Variants in PKD2L1 observed in about 807,000 individuals in gnomAD.
PKD2L1 encodes polycystin-2-like protein 1.
Under a neutral mutation model 93.0 loss-of-function variants are expected in PKD2L1, and 77 were observed. That is an observed-to-expected ratio of 0.83 (90% confidence interval 0.69 to 1.00). The LOEUF (loss-of-function observed/expected upper bound fraction) is 1.00. Ranked by LOEUF, PKD2L1 falls within the 50% of genes least tolerant of loss-of-function variation. The probability of loss-of-function intolerance (pLI) is 0.00; values close to 1 mark genes in which losing one functional copy is unlikely to be tolerated. For missense variants in PKD2L1, 977 were observed against 990.9 expected, an observed-to-expected ratio of 0.99 and a Z score of 0.19; for synonymous variants, 390 against 388.0, an observed-to-expected ratio of 1.01 and a Z score of -0.06.
At chr10:100,291,246 A>G in intron 12 of PKD2L1, 55 bp downstream of exon 12, 3 of 1,568,280 alleles carry the variant, frequency 1.9e-6, no homozygotes, top group Non-Finnish European at 2.6e-6. Flanking sequence ...TGTTGGGGGA[A>G]GGAGAGGGTG....
At chr10:100,305,025 G>C (rs778122690) in intron 2 of PKD2L1, among the ~76,000 whole-genome samples, 3 of 151,922 alleles carry the variant, frequency 2.0e-5, no homozygotes, top group African/African-American at 7.3e-5. Context: ...AGTGTTTGTT[G>C]GTTGAACCAA....
intron 2 of PKD2L1, among the ~76,000 whole-genome samples, chr10:100,323,209 T>C (rs901786330): frequency 1.3e-5 from 2 of 152,318 alleles, no homozygotes; most frequent in Non-Finnish European, 2.9e-5. Context: ...AACTAAAATT[T>C]TGAAAGGTAA....
At chr10:100,297,261 C>T (rs1564883053) in intron 5 of PKD2L1, 53 bp from the exon 6 acceptor site, 11 of 1,558,888 alleles carry the variant, frequency 7.1e-6, no homozygotes, top group Non-Finnish European at 9.7e-6. Flanking sequence ...GGGACGGCTC[C>T]TCCCACTTCC....
intron 2 of PKD2L1, among the ~76,000 whole-genome samples, chr10:100,310,206 CA>C (rs1474400439): frequency 6.6e-6 from 1 of 152,062 alleles, no homozygotes; most frequent in Admixed American, 6.6e-5. Flanking sequence ...TGGTGGCACA[CA>C]TCTGTAGCCC....
rs776998845 is a variant in PKD2L1 at position 100,329,394 on chromosome 10, G to A, written c.236-70C>T. 1.2e-5 allele frequency: 20 copies of A among 1,609,618 alleles called. No homozygotes were observed. The South Asian group carries it at 2.0e-4, about 16-fold the overall frequency. On this transcript the variant is annotated intron_variant, in intron 1 of 15. Coordinates refer to ENST00000318222, the MANE Select transcript of PKD2L1 (RefSeq NM_016112.3). ...TCCTCCCAGTCATCCCCACCCATCT[G>A]TCTCTGGACTTTAGCCCCTTTCCAC... is the stretch of plus-strand genomic sequence containing the variant.
At chr10:100,296,928 G>T in intron 6 of PKD2L1, 52 bp downstream of exon 6, 1 of 1,231,918 alleles carries the variant, frequency 8.1e-7, no homozygotes, top group South Asian at 1.2e-5. Context: ...TATTAGGGTG[G>T]AACTCCCTCC....
intron 14 of PKD2L1, among the ~76,000 whole-genome samples, chr10:100,289,330 A>G (rs1301774262): frequency 6.6e-6 from 1 of 152,182 alleles, no homozygotes; most frequent in Non-Finnish European, 1.5e-5. Context: ...ACCTGAGGTC[A>G]GGAGTTCGAG....
intron 2 of PKD2L1, among the ~76,000 whole-genome samples, chr10:100,323,555 C>T (rs945330503): frequency 2.0e-5 from 3 of 152,170 alleles, no homozygotes; most frequent in African/African-American, 2.4e-5. Flanking sequence ...AGGCATGAGC[C>T]ACGGCGCCCG....
intron 2 of PKD2L1, among the ~76,000 whole-genome samples, chr10:100,316,251 C>T (rs1849099189): frequency 6.6e-6 from 1 of 152,232 alleles, no homozygotes; most frequent in African/African-American, 2.4e-5. Context: ...CAGCTCATTG[C>T]AAACTCTGCC....
chr10:100,302,693 C>CA (rs35577057), intron 2 of PKD2L1, among the ~76,000 whole-genome samples: 69 of 135,532 alleles, frequency 5.1e-4, no homozygotes, highest in Middle Eastern at 4.1e-3. Context: ...CTCTGTCCCC[C>CA]AAAAAAAAAA....
rs1410542912 is a variant in PKD2L1, at chr10:100,288,253, T to C, written c.*143A>G. 7.6e-6 allele frequency: 5 copies of C among 654,848 alleles called. No individual in the cohort carries two copies. Among genetic ancestry groups the C allele is most frequent in the African/African-American group, 3.6e-5 (2 of 55,686 alleles). The allele number at this position is 654,848 out of a possible 1,614,324, so 40.6% of individuals were successfully genotyped here. ...TATTAATTCAAAGATCTCTGAATCC[T>C]GAGTTCATTTCCTTGCCTGATTCCC... On this transcript the variant is annotated 3_prime_UTR_variant, in exon 16 of 16. Transcript: ENST00000318222.
chr10:100,305,334 G>A (rs575814080), intron 2 of PKD2L1, among the ~76,000 whole-genome samples: 8 of 152,024 alleles, frequency 5.3e-5, no homozygotes, highest in African/African-American at 1.4e-4. Context: ...GGCTGGTCTC[G>A]AACTCCTGAC....
rs765174470 is a variant in PKD2L1 at position 100,297,138 on chromosome 10, G to A, written c.1027C>T (p.Arg343Cys). Residue 343 changes from arginine to cysteine, a missense_variant, in exon 6 of 16, where the codon CGC (arginine) becomes TGC (cysteine). Physicochemically the swap from Arg to Cys is radical, Grantham distance 180. Coordinates refer to ENST00000318222, the MANE Select transcript of PKD2L1 (RefSeq NM_016112.3). ...AAGAAGTCCCAGTTGCTGACATAGC[G>A]GATCAGCTTGACTGTGCGGATTTGC... Reference protein sequence around the residue: ...SWQIRTVKLIRYVSNWDFFIV... With the variant: ...SWQIRTVKLICYVSNWDFFIV... 40 of 1,614,130 alleles carry A rather than the reference G, an allele frequency of 2.5e-5. No individual in the cohort carries two copies. Among genetic ancestry groups the A allele is most frequent in the Non-Finnish European group, 2.6e-5 (31 of 1,180,010 alleles).
At chr10:100,289,546 T>A (rs71488054) in intron 14 of PKD2L1, among the ~76,000 whole-genome samples, 12,286 of 151,704 alleles carry the variant, frequency 0.081, 636 homozygotes, top group African/African-American at 0.14. Context: ...TCTCAAATAA[T>A]AATAATAATA....
Position 100,289,069 on chromosome 10 carries a change from G to T in PKD2L1, c.2251-13C>A, listed in dbSNP as rs1340271322. On this transcript the variant is annotated splice_polypyrimidine_tract_variant and intron_variant, in intron 14 of 15. Transcript: ENST00000318222. ...TAGCTTGTTCCTTCTGTTGGAAGAAGAAAGGGACAAATCATTTGAAGAAAT... is the reference window on the plus strand; with the variant it reads ...TAGCTTGTTCCTTCTGTTGGAAGAATAAAGGGACAAATCATTTGAAGAAAT... 1 of 1,588,490 alleles carries T rather than the reference G, an allele frequency of 6.3e-7. No individual in the cohort carries two copies. Among genetic ancestry groups the T allele is most frequent in the Non-Finnish European group, 8.6e-7 (1 of 1,160,208 alleles).
intron 2 of PKD2L1, among the ~76,000 whole-genome samples, chr10:100,317,420 T>A (rs1849124483): frequency 6.6e-6 from 1 of 152,042 alleles, no homozygotes; most frequent in African/African-American, 2.4e-5. Flanking sequence ...ATGCCTGTAG[T>A]CCCAGCTACT....
In PKD2L1 at chr10:100,329,906, C is replaced by T. The variant is rs569511; in HGVS notation, c.198G>A (p.Val66=). 0.13 allele frequency: 215,132 copies of T among 1,612,588 alleles called. 16,645 individuals carry two copies. Among genetic ancestry groups the T allele is most frequent in the South Asian group, 0.31 (27,847 of 91,000 alleles). The part of the protein sequence containing the change: ...EPQETAYRTQ[V]SSCCLHICQG... ...GACAGATATGGAGGCAGCAGCTGGA[C>T]ACCTGGGTCCTGTATGCCGTCTCCT... The change falls in exon 1 of 16, where the codon GTG becomes GTA. Residue 66 remains valine, a synonymous_variant. Coordinates refer to ENST00000318222, the MANE Select transcript of PKD2L1 (RefSeq NM_016112.3).
Position 100,297,500 on chromosome 10 carries a change from C to T in PKD2L1, c.838G>A (p.Gly280Ser). 1.2e-6 allele frequency: 2 copies of T among 1,614,156 alleles called. No individual in the cohort carries two copies. The highest frequency in any genetic ancestry group is 1.7e-6 in the Non-Finnish European group (2 of 1,180,024). The change falls in exon 5 of 16, where the codon GGT (glycine) becomes AGT (serine). Residue 280 changes from glycine (G) to serine (S), a missense_variant. By Grantham distance (56) the Gly-to-Ser change is moderately conservative. Coordinates refer to ENST00000318222, the MANE Select transcript of PKD2L1 (RefSeq NM_016112.3). ...AGGGCCCGGAGAGCCTCTGCACTAC[C>T]CTGTCGGGATCCTGGAAGGTCCAGG... ...YYLDLPGSRQGSAEALRALQE... is the reference protein window; with the variant it reads ...YYLDLPGSRQSSAEALRALQE...
At chr10:100,313,054 A>G (rs747127358) in intron 2 of PKD2L1, among the ~76,000 whole-genome samples, 4 of 152,162 alleles carry the variant, frequency 2.6e-5, no homozygotes, top group Non-Finnish European at 4.4e-5. Flanking sequence ...GTCTTTGTAC[A>G]GGGATTTTTC....
Sources: allele counts gnomAD v4.1 joint callset (sites outside exome capture counted in the v4.1 genomes callset), GRCh38; gene constraint gnomAD v4.1.1; transcripts MANE v1.5; gene names NCBI Gene and HGNC (gene_info 2026-07-23, HGNC 2026-07-21).